The following HSPA9 variants were observed in gnomAD, a reference collection of about 807,000 sequenced individuals.
The protein encoded by HSPA9 is stress-70 protein, mitochondrial.
In HSPA9, 28 loss-of-function variants were observed where a neutral mutation model predicts 81.5. The observed-to-expected ratio is 0.34, with a 90% CI of 0.25 to 0.47. HSPA9 has a LOEUF of 0.47. Ranked by LOEUF, HSPA9 falls within the 20% of genes least tolerant of loss-of-function variation. The pLI is 1.00. For missense variants in HSPA9, 678 were observed against 838.0 expected, an observed-to-expected ratio of 0.81 and a Z score of 2.36; for synonymous variants, 293 against 290.4, an observed-to-expected ratio of 1.01 and a Z score of -0.09.
chr5:138,569,133 T>A, intron 4 of HSPA9, 84 bp from the exon 5 acceptor site: 1 of 1,337,470 alleles, frequency 7.5e-7, no homozygotes, highest in Non-Finnish European at 1.1e-6. Context: ...AACATCCATC[T>A]TCCACCCCAA....
intron 4 of HSPA9, 77 bp from the exon 5 acceptor site, chr5:138,569,126 AT>A (rs1750826161): frequency 1.4e-5 from 20 of 1,402,676 alleles, no homozygotes; most frequent in Non-Finnish European, 1.9e-5. Context: ...TACCATGAAC[AT>A]CCATCTTCCA....
chr5:138,569,113 A>G, intron 4 of HSPA9, 64 bp from the exon 5 acceptor site: 1 of 1,504,528 alleles, frequency 6.6e-7, no homozygotes, highest in Admixed American at 1.7e-5. Context: ...CAAAATTACC[A>G]CATACCATGA....
Position 138,559,871 on chromosome 5 carries a change from T to C in HSPA9, c.1403A>G (p.Lys468Arg). Residue 468 changes from lysine to arginine, a missense_variant, in exon 11 of 17, where the codon AAG (lysine) becomes AGG (arginine). By Grantham distance (26) the Lys-to-Arg change is conservative (BLOSUM62 2). This residue lies in a region of HSPA9 where 484 missense variants were observed against 647.5 expected (regional missense o/e 0.75). Coordinates refer to ENST00000297185, the MANE Select transcript of HSPA9 (RefSeq NM_004134.7). Reference protein sequence around the residue: ...INRNTTIPTKKSQVFSTAADG... With the variant: ...INRNTTIPTKRSQVFSTAADG... ...GGAAGTGATGGCTCTTACCTGGCTCTTCTTGGTTGGAATAGTGGTATTCCT... is the reference window on the plus strand; with the variant it reads ...GGAAGTGATGGCTCTTACCTGGCTCCTCTTGGTTGGAATAGTGGTATTCCT... 6.2e-7 allele frequency: 1 copy of C among 1,609,062 alleles called. No individual in the cohort carries two copies.
intron 4 of HSPA9, among the ~76,000 whole-genome samples, chr5:138,569,536 A>T (rs1463017131): frequency 6.6e-6 from 1 of 152,236 alleles, no homozygotes; most frequent in East Asian, 1.9e-4. Context: ...ATGTCCATAC[A>T]GTATAGTATT....
chr5:138,573,994 A>C (rs996088711), intron 2 of HSPA9, 74 bp downstream of exon 2: 2 of 1,273,318 alleles, frequency 1.6e-6, no homozygotes, highest in African/African-American at 3.0e-5. Flanking sequence ...AGAGAAGAAT[A>C]ATCACAAATG....
intron 9 of HSPA9, among the ~76,000 whole-genome samples, chr5:138,565,009 A>G (rs1268054492): frequency 1.3e-5 from 2 of 152,236 alleles, no homozygotes; most frequent in Non-Finnish European, 2.9e-5. Context: ...CCAAACCACA[A>G]TATAATCTGC....
At chr5:138,571,559 A>G (rs546662955) in intron 3 of HSPA9, among the ~76,000 whole-genome samples, 12 of 152,228 alleles carry the variant, frequency 7.9e-5, no homozygotes, top group Admixed American at 3.3e-4. Flanking sequence ...GCACATCAAC[A>G]ATACTACCGG....
intron 3 of HSPA9, among the ~76,000 whole-genome samples, chr5:138,572,333 G>A (rs1336826483): frequency 6.6e-6 from 1 of 152,020 alleles, no homozygotes; most frequent in Non-Finnish European, 1.5e-5. Context: ...CCCAGAAAAG[G>A]ATTTAAATGT....
intron 10 of HSPA9, chr5:138,560,669 T>TA (rs1202044824): frequency 4.5e-6 from 1 of 221,224 alleles, no homozygotes; most frequent in Admixed American, 5.3e-5. Flanking sequence ...CACGCCATTC[T>TA]CCTACCTCAG....
chr5:138,560,457 G>A (rs769010701), intron 10 of HSPA9, among the ~76,000 whole-genome samples: 21 of 152,182 alleles, frequency 1.4e-4, no homozygotes, highest in Non-Finnish European at 2.5e-4. Context: ...AATTATCATA[G>A]GCAGCTGTAG....
chr5:138,570,154 C>A (rs952310749), intron 4 of HSPA9, among the ~76,000 whole-genome samples: 1 of 151,640 alleles, frequency 6.6e-6, no homozygotes, highest in African/African-American at 2.4e-5. Context: ...TGTGAGTCAC[C>A]CCACCGAGCC....
rs1251719370 is a variant in HSPA9 at position 138,555,878 on chromosome 5, A to T, written c.*159T>A. On this transcript the variant is annotated 3_prime_UTR_variant, in exon 17 of 17. Transcript: ENST00000297185. ...TAGAATCACTGTCCATTAAATGATC[A>T]CTAGCTAATGGTCACTAAATTTACA... 8 of 655,202 alleles carry T rather than the reference A, an allele frequency of 1.2e-5. No homozygotes were observed. The highest frequency in any genetic ancestry group is 2.2e-5 in the Non-Finnish European group (8 of 367,130). 40.6% of individuals were successfully genotyped at this position (655,202 alleles called of 1,614,324 possible). A position where few individuals can be genotyped will look rare whatever the true frequency, so the allele number is the denominator to read the frequency against.
Position 138,575,372 on chromosome 5 carries a change from G to T in HSPA9, c.-54C>A, listed in dbSNP as rs748495972. The T allele has an allele frequency of 7.0e-7, 1 of 1,436,402 alleles. No homozygotes were observed. The highest frequency in any genetic ancestry group is 9.8e-7 in the Non-Finnish European group (1 of 1,024,928). The allele number at this position is 1,436,402 out of a possible 1,614,324, so 89.0% of individuals were successfully genotyped here. A position where few individuals can be genotyped will look rare whatever the true frequency, so the allele number is the denominator to read the frequency against. On this transcript the variant is annotated 5_prime_UTR_variant, in exon 1 of 17. Transcript: ENST00000297185. ...CAAACAAGCGCTCCGACGGCAAAGAGCTGCGCGATGCGGTGGCGGCAGCGC... is the reference window on the plus strand; with the variant it reads ...CAAACAAGCGCTCCGACGGCAAAGATCTGCGCGATGCGGTGGCGGCAGCGC...
rs1750764877 is a variant in HSPA9 at position 138,566,484 on chromosome 5, G to C, written c.972+142C>G. 4.2e-6 allele frequency: 3 copies of C among 707,440 alleles called. No individual in the cohort carries two copies. The South Asian group carries it at 4.5e-5, about 11-fold the overall frequency. The allele number at this position is 707,440 out of a possible 1,614,324, so 43.8% of individuals were successfully genotyped here. On this transcript the variant is annotated intron_variant, in intron 9 of 16. Transcript: ENST00000297185. ...TACTGTCCCTGTGCTCATGGCAAAG[G>C]TCTCTAGAAACCAGAAAACTGAAAA...
rs200820752 is a variant in HSPA9 at position 138,560,555 on chromosome 5, TTTC to T, written c.1183-467_1183-465del. ...CATTTGAATAGTATCGGGGATACTT[TTTC>T]TTCTTCTTTTTTTTTTTTTTGAGAC... is the stretch of plus-strand genomic sequence containing the variant. On this transcript the variant is annotated intron_variant, in intron 10 of 16. Coordinates refer to ENST00000297185, the MANE Select transcript of HSPA9 (RefSeq NM_004134.7). Among the ~76,000 whole-genome samples the T allele has an allele frequency of 9.2e-3, 1,329 of 143,678 alleles. 22 individuals are homozygous for T. The highest frequency in any genetic ancestry group is 0.031 in the African/African-American group (1,210 of 38,612). The allele number at this position is 143,678 out of a possible 152,430, so 94.3% of individuals were successfully genotyped here. A position where few individuals can be genotyped will look rare whatever the true frequency, so the allele number is the denominator to read the frequency against.
intron 1 of HSPA9, chr5:138,574,885 G>A (rs187559092): frequency 9.5e-5 from 35 of 369,388 alleles, no homozygotes; most frequent in Non-Finnish European, 1.6e-4. Flanking sequence ...ATTCTGTAGA[G>A]GAGCCAAAAA....
In HSPA9 at chr5:138,555,563, C is replaced by A. The variant is rs1009957397; in HGVS notation, c.*474G>T. ...TCCTCTGCCCCATCTACAAACATGG[C>A]ACAGCCAGCTTGACTTGCAAGGCCT... On this transcript the variant is annotated 3_prime_UTR_variant, in exon 17 of 17. Coordinates refer to ENST00000297185, the MANE Select transcript of HSPA9 (RefSeq NM_004134.7). 1.0e-5 allele frequency: 2 copies of A among 192,814 alleles called. No homozygotes were observed. Among genetic ancestry groups the A allele is most frequent in the African/African-American group, 4.8e-5 (2 of 41,954 alleles). The allele number at this position is 192,814 out of a possible 1,614,324, so 11.9% of individuals were successfully genotyped here. A position where few individuals can be genotyped will look rare whatever the true frequency, so the allele number is the denominator to read the frequency against.
intron 10 of HSPA9, chr5:138,561,069 G>A (rs764615071): frequency 6.0e-6 from 3 of 499,968 alleles, no homozygotes; most frequent in South Asian, 1.4e-5. Flanking sequence ...TTTTCCACAC[G>A]TTCTTTCAGA....
intron 7 of HSPA9, 33 bp from the exon 8 acceptor site, chr5:138,567,196 A>G (rs1333783927): frequency 6.4e-6 from 10 of 1,558,746 alleles, no homozygotes; most frequent in Non-Finnish European, 8.8e-6. Flanking sequence ...AAAAGAAAAG[A>G]AATCCTTAAG....
Sources: allele counts gnomAD v4.1 joint callset (sites outside exome capture counted in the v4.1 genomes callset), GRCh38; gene constraint gnomAD v4.1.1; regional missense constraint gnomAD v4.1.1; transcripts MANE v1.5; gene names NCBI Gene and HGNC (gene_info 2026-07-23, HGNC 2026-07-21).